TSPAN15: variants seen among roughly 807,000 people sequenced by gnomAD.
The protein encoded by TSPAN15 is tetraspanin 15.
TSPAN15 carries 20 observed loss-of-function variants against 34.5 expected under a neutral mutation model. The observed-to-expected ratio is 0.58, with a 90% CI of 0.41 to 0.84. The LOEUF (loss-of-function observed/expected upper bound fraction) is 0.84. TSPAN15 is among the 40% of genes least tolerant of loss of function. TSPAN15 has a pLI of 0.00. For synonymous variants in TSPAN15, 155 were observed against 153.9 expected (o/e 1.01, Z -0.05); for missense variants, 313 against 386.1 (o/e 0.81, Z 1.59).
At chr10:69,509,612 C>T (rs1842395406), downstream of TSPAN15, among the ~76,000 whole-genome samples, 1 of 152,134 alleles carries the variant, frequency 6.6e-6, no homozygotes, top group Non-Finnish European at 1.5e-5. Flanking sequence ...TCAATTTTGG[C>T]TTTTGTTGCC....
At chr10:69,515,923 G>A in the TSPAN15 span, among the ~76,000 whole-genome samples, 12 of 152,304 alleles carry the variant, frequency 7.9e-5, 1 homozygote, top group South Asian at 1.7e-3. Context: ...TCTGCTTTCC[G>A]CCCCCTACCC....
At chr10:69,539,539 G>GAA in the TSPAN15 span, among the ~76,000 whole-genome samples, 1 of 42,698 alleles carries the variant, frequency 2.3e-5, no homozygotes, top group African/African-American at 8.5e-5. Context: ...GAAGAAGAAG[G>GAA]AGAAGGAGAA....
At chr10:69,522,599 A>G in the TSPAN15 span, among the ~76,000 whole-genome samples, 2 of 146,898 alleles carry the variant, frequency 1.4e-5, no homozygotes, top group Middle Eastern at 3.2e-3. Context: ...CGGGTGAGCA[A>G]GCATTTCCAC....
the TSPAN15 span, chr10:69,523,561 G>T: frequency 2.6e-6 from 1 of 386,430 alleles, no homozygotes. Context: ...TGGGAATTGG[G>T]TGTCATGTAC....
the TSPAN15 span, among the ~76,000 whole-genome samples, chr10:69,542,756 A>T: frequency 1.3e-5 from 2 of 152,196 alleles, no homozygotes; most frequent in Non-Finnish European, 2.9e-5. Flanking sequence ...CTCCCTCATG[A>T]TTCAATTACC....
the TSPAN15 span, among the ~76,000 whole-genome samples, chr10:69,536,805 C>T: frequency 3.9e-5 from 6 of 151,938 alleles, no homozygotes; most frequent in Middle Eastern, 3.4e-3. Flanking sequence ...ACCAACACGG[C>T]GAAACCCCGT....
intron 3 of TSPAN15, among the ~76,000 whole-genome samples, chr10:69,494,251 T>C (rs1454328789): frequency 2.0e-5 from 3 of 152,174 alleles, no homozygotes; most frequent in African/African-American, 7.2e-5. Context: ...GGCCTCGGTT[T>C]CCCACGGGAT....
At chr10:69,503,766 C>T (rs550035502) in intron 5 of TSPAN15, among the ~76,000 whole-genome samples, 10 of 152,244 alleles carry the variant, frequency 6.6e-5, no homozygotes, top group South Asian at 2.1e-4. Context: ...GGAGACCCTG[C>T]GGGGCACAGG....
downstream of TSPAN15, among the ~76,000 whole-genome samples, chr10:69,511,377 G>C (rs1186886947): frequency 6.6e-6 from 1 of 152,186 alleles, no homozygotes; most frequent in Admixed American, 6.5e-5. Context: ...GGTGTTTATA[G>C]TATTCTCTGA....
the TSPAN15 span, among the ~76,000 whole-genome samples, chr10:69,518,798 T>A: frequency 6.6e-6 from 1 of 152,156 alleles, no homozygotes; most frequent in African/African-American, 2.4e-5. Flanking sequence ...TCCTTCCCAA[T>A]GTCTTCAATG....
At chr10:69,467,397 G>A (rs10998800) in intron 1 of TSPAN15, among the ~76,000 whole-genome samples, 60,330 of 152,026 alleles carry the variant, frequency 0.4, 12,509 homozygotes, top group Non-Finnish European at 0.45. Context: ...CTTTCCTGAT[G>A]GCACTGAATC....
intron 1 of TSPAN15, among the ~76,000 whole-genome samples, chr10:69,466,317 T>C (rs1589627510): frequency 6.6e-6 from 1 of 151,870 alleles, no homozygotes; most frequent in African/African-American, 2.4e-5. Context: ...CTTGTGGGAG[T>C]GCCAGCCTCT....
chr10:69,495,545 C>T (rs1056506796), intron 3 of TSPAN15, 49 bp from the exon 4 acceptor site: 4 of 1,427,950 alleles, frequency 2.8e-6, no homozygotes, highest in Admixed American at 3.4e-5. Flanking sequence ...TTGGGTTGGA[C>T]TCCGGGAGTG....
chr10:69,518,644 G>A, the TSPAN15 span, among the ~76,000 whole-genome samples: 6 of 152,248 alleles, frequency 3.9e-5, no homozygotes, highest in East Asian at 9.7e-4. Context: ...GGCTGGTCTC[G>A]AACTCCTGAC....
At chr10:69,538,786 C>T in the TSPAN15 span, among the ~76,000 whole-genome samples, 10 of 152,312 alleles carry the variant, frequency 6.6e-5, no homozygotes, top group Admixed American at 1.3e-4. Flanking sequence ...CTTGCATGCA[C>T]GTGTAGACGC....
the TSPAN15 span, among the ~76,000 whole-genome samples, chr10:69,532,228 A>G: frequency 6.6e-6 from 1 of 152,226 alleles, no homozygotes; most frequent in Non-Finnish European, 1.5e-5. Context: ...CCAAAGCAAG[A>G]CTAAGCAAAA....
Position 69,498,337 on chromosome 10 carries a change from T to C in TSPAN15, c.511T>C (p.Cys171Arg). The C allele has an allele frequency of 6.2e-7, 1 of 1,613,858 alleles. No homozygotes were observed. Among genetic ancestry groups the C allele is most frequent in the Non-Finnish European group, 8.5e-7 (1 of 1,179,950 alleles). The change falls in exon 5 of 8, where the codon TGC becomes CGC. Residue 171 changes from cysteine to arginine, a missense_variant. Coordinates refer to ENST00000373290, the MANE Select transcript of TSPAN15 (RefSeq NM_012339.5). ...TTGGAGCAAGAATCAGTACCACGAC[T>C]GCAGTGCCCCTGGACCCCTGGCCTG... ...RDWSKNQYHD[C>R]SAPGPLACGV...
intron 1 of TSPAN15, among the ~76,000 whole-genome samples, chr10:69,480,030 CAG>C (rs1393351545): frequency 1.3e-5 from 2 of 152,194 alleles, no homozygotes; most frequent in African/African-American, 4.8e-5. Flanking sequence ...TTTATAACAG[CAG>C]AGAGTGAGAT....
chr10:69,472,591 T>A (rs1841530218), intron 1 of TSPAN15, among the ~76,000 whole-genome samples: 1 of 152,156 alleles, frequency 6.6e-6, no homozygotes, highest in Non-Finnish European at 1.5e-5. Context: ...GAATTCAGAA[T>A]AGGGACTCCT....
Sources: allele counts gnomAD v4.1 joint callset (sites outside exome capture counted in the v4.1 genomes callset), GRCh38; gene constraint gnomAD v4.1.1; transcripts MANE v1.5; gene names NCBI Gene and HGNC (gene_info 2026-07-23, HGNC 2026-07-21).